The following PTPRD variants were observed in gnomAD, a reference collection of about 807,000 sequenced individuals.
PTPRD encodes receptor-type tyrosine-protein phosphatase delta.
PTPRD carries 34 observed loss-of-function variants against 214.5 expected under a neutral mutation model. The observed-to-expected ratio is 0.16, with a 90% CI of 0.12 to 0.21. The LOEUF (loss-of-function observed/expected upper bound fraction) is 0.21. Ranked by LOEUF, PTPRD falls within the 10% of genes least tolerant of loss-of-function variation. PTPRD has a pLI of 1.00. For synonymous variants in PTPRD, 1,128 were observed against 845.7 expected (o/e 1.33, Z -5.79); for missense variants, 2,545 against 2,398.7 (o/e 1.06, Z -1.27).
intron 3 of PTPRD, among the ~76,000 whole-genome samples, chr9:10,216,475 G>A (rs914165922): frequency 6.6e-6 from 1 of 151,766 alleles, no homozygotes; most frequent in African/African-American, 2.4e-5. Context: ...ATTAACTATG[G>A]TTAACTTATA....
intron 7 of PTPRD, among the ~76,000 whole-genome samples, chr9:9,734,117 A>C (rs968352490): frequency 6.6e-6 from 1 of 152,202 alleles, no homozygotes; most frequent in African/African-American, 2.4e-5. Flanking sequence ...GTACTACTGA[A>C]AAACTTTTAA....
chr9:8,482,100 T>G (rs1431021899), intron 30 of PTPRD, among the ~76,000 whole-genome samples: 1 of 152,082 alleles, frequency 6.6e-6, no homozygotes, highest in Non-Finnish European at 1.5e-5. Flanking sequence ...CTTAATAACT[T>G]CTCTAAGCCC....
At position 8,389,115 on chromosome 9, in the gene PTPRD, T is replaced by C. The variant is rs749266702; in HGVS notation, c.4386+117A>G. 305 of 793,784 alleles carry C rather than the reference T, an allele frequency of 3.8e-4. 2 individuals carry two copies. The highest frequency in any genetic ancestry group is 5.1e-4 in the Non-Finnish European group (272 of 531,652). The allele number at this position is 793,784 out of a possible 1,614,324, so 49.2% of individuals were successfully genotyped here. A position where few individuals can be genotyped will look rare whatever the true frequency, so the allele number is the denominator to read the frequency against. On this transcript the variant is annotated intron_variant, in intron 37 of 45. Coordinates refer to ENST00000381196, the MANE Select transcript of PTPRD (RefSeq NM_002839.4). ...GTTGTTGATGCCCATTCATAATTAG[T>C]ATCTGTTAGAAAGATAAGCCTTAGG...
chr9:9,569,717 C>G (rs903044798), intron 8 of PTPRD, among the ~76,000 whole-genome samples: 1 of 151,542 alleles, frequency 6.6e-6, no homozygotes, highest in South Asian at 2.1e-4. Context: ...GTCTTAGAAA[C>G]TAAATTACTT....
intron 14 of PTPRD, among the ~76,000 whole-genome samples, chr9:8,543,529 T>C (rs958719622): frequency 1.3e-5 from 2 of 152,190 alleles, no homozygotes; most frequent in Admixed American, 6.5e-5. Flanking sequence ...ATATAACCAA[T>C]GCTATTTAAG....
intron 9 of PTPRD, among the ~76,000 whole-genome samples, chr9:9,201,507 A>C (rs1032504298): frequency 7.9e-5 from 12 of 152,252 alleles, no homozygotes; most frequent in African/African-American, 2.9e-4. Flanking sequence ...AGGCAATAGG[A>C]TAGGATAGGA....
At chr9:10,326,090 T>C (rs1016624812) in intron 3 of PTPRD, among the ~76,000 whole-genome samples, 4 of 151,902 alleles carry the variant, frequency 2.6e-5, no homozygotes, top group Non-Finnish European at 5.9e-5. Flanking sequence ...TATATAAATA[T>C]ATTCACTTCT....
At chr9:9,907,395 G>A (rs1006626399) in intron 5 of PTPRD, among the ~76,000 whole-genome samples, 4 of 152,008 alleles carry the variant, frequency 2.6e-5, no homozygotes, top group South Asian at 4.1e-4. Flanking sequence ...GTTTTAAGAG[G>A]ACAGAAATTC....
At chr9:8,777,671 A>G (rs10116829) in intron 11 of PTPRD, among the ~76,000 whole-genome samples, 16,911 of 152,186 alleles carry the variant, frequency 0.11, 1,011 homozygotes, top group Middle Eastern at 0.13. Flanking sequence ...ACATCTGTAA[A>G]CATTCAGTGG....
chr9:9,981,462 C>T (rs1275195602), intron 4 of PTPRD, among the ~76,000 whole-genome samples: 1 of 151,560 alleles, frequency 6.6e-6, no homozygotes, highest in Non-Finnish European at 1.5e-5. Context: ...TCAAGCCATT[C>T]TCCTGCCTGA....
At chr9:9,939,960 T>A (rs749106139) in intron 4 of PTPRD, among the ~76,000 whole-genome samples, 15 of 152,192 alleles carry the variant, frequency 9.9e-5, no homozygotes, top group Admixed American at 6.6e-5. Flanking sequence ...CTTTCATCAG[T>A]TCTCACTTAG....
chr9:9,032,684 A>G (rs907765464), intron 10 of PTPRD, among the ~76,000 whole-genome samples: 6 of 152,044 alleles, frequency 3.9e-5, no homozygotes, highest in African/African-American at 1.4e-4. Context: ...GCTGGGAAGA[A>G]CTTGTATAGT....
chr9:9,866,626 T>A (rs1333438741), intron 5 of PTPRD, among the ~76,000 whole-genome samples: 1 of 152,100 alleles, frequency 6.6e-6, no homozygotes, highest in Admixed American at 6.6e-5. Context: ...AGAAGGAGAA[T>A]ATGTTTTAAA....
chr9:10,400,201 T>C (rs189514161), intron 2 of PTPRD, among the ~76,000 whole-genome samples: 81 of 151,924 alleles, frequency 5.3e-4, no homozygotes, highest in Non-Finnish European at 1.0e-3. Flanking sequence ...TTCTCATTTA[T>C]AAAAGAAGGA....
chr9:8,694,421 A>G (rs1384462265), intron 12 of PTPRD, among the ~76,000 whole-genome samples: 1 of 152,184 alleles, frequency 6.6e-6, no homozygotes, highest in African/African-American at 2.4e-5. Context: ...TCTACAATAA[A>G]AGTCTGATGG....
chr9:9,014,691 A>G lies in PTPRD; in HGVS notation c.-104+4006T>C, dbSNP rs569348871. ...ATGGGAGACAATCTGAGGAAGGAGAAATCTATATTGTGTATGAACATGATG... is the reference window on the plus strand; with the variant it reads ...ATGGGAGACAATCTGAGGAAGGAGAGATCTATATTGTGTATGAACATGATG... On this transcript the variant is annotated intron_variant, in intron 11 of 45. Transcript: ENST00000381196. 6.6e-5 allele frequency among the ~76,000 whole-genome samples: 10 copies of G among 152,260 alleles called. No individual in the cohort carries two copies. In the South Asian group the frequency reaches 2.1e-3, roughly 32 times the overall value.
intron 11 of PTPRD, among the ~76,000 whole-genome samples, chr9:8,995,248 G>A (rs2099392113): frequency 6.6e-6 from 1 of 151,936 alleles, no homozygotes; most frequent in Non-Finnish European, 1.5e-5. Flanking sequence ...TACTTTATTG[G>A]TTGTGATAAT....
intron 3 of PTPRD, among the ~76,000 whole-genome samples, chr9:10,044,187 T>A (rs560328215): frequency 1.3e-5 from 2 of 150,984 alleles, no homozygotes; most frequent in East Asian, 3.9e-4. Flanking sequence ...TCCCTATAAT[T>A]GTGTTTCTGA....
intron 11 of PTPRD, among the ~76,000 whole-genome samples, chr9:8,823,890 G>A (rs542799102): frequency 2.0e-5 from 3 of 152,252 alleles, no homozygotes; most frequent in African/African-American, 4.8e-5. Flanking sequence ...TAGTCCCAAG[G>A]GCTGCTGGTT....
Sources: gnomAD v4.1 joint callset for allele counts (sites outside exome capture counted in the v4.1 genomes callset) on GRCh38, gnomAD v4.1.1 for gene constraint, MANE v1.5 for transcripts, NCBI Gene and HGNC (gene_info 2026-07-23, HGNC 2026-07-21) for gene names.